SLC16A12: variants seen among roughly 807,000 people sequenced by gnomAD.
The protein encoded by SLC16A12 is monocarboxylate transporter 12.
A neutral mutation model predicts 42.4 loss-of-function variants in SLC16A12; 17 were observed. The observed-to-expected ratio is 0.40, with a 90% CI of 0.27 to 0.60. The LOEUF is 0.60. Among genes scored for constraint, SLC16A12 ranks in the 20% least tolerant of loss-of-function variants. SLC16A12 has a pLI of 0.42. For missense variants in SLC16A12, 544 were observed against 623.0 expected, an observed-to-expected ratio of 0.87 and a Z score of 1.35; for synonymous variants, 224 against 229.4, an observed-to-expected ratio of 0.98 and a Z score of 0.21.
chr10:89,508,136 T>C (rs1843097865), intron 2 of SLC16A12, among the ~76,000 whole-genome samples: 1 of 152,162 alleles, frequency 6.6e-6, no homozygotes, highest in South Asian at 2.1e-4. Context: ...TGGGAGACTT[T>C]AACACCCCAC....
At position 89,430,770 on chromosome 10, in the gene SLC16A12, C is replaced by T. The variant is rs547814534; in HGVS notation, c.*2294G>A. 9.0e-5 allele frequency: 41 copies of T among 456,880 alleles called. No individual in the cohort carries two copies. Among genetic ancestry groups the T allele is most frequent in the African/African-American group, 6.9e-4 (34 of 49,358 alleles). 28.3% of individuals were successfully genotyped at this position (456,880 alleles called of 1,614,324 possible). A position where few individuals can be genotyped will look rare whatever the true frequency, so the allele number is the denominator to read the frequency against. ...ACAAAATCTTTAAAATTTCTGATCA[C>T]TATGCTTATTTTTCATAAATACTTG... On this transcript the variant is annotated 3_prime_UTR_variant, in exon 8 of 8. Transcript: ENST00000371790.
chr10:89,526,062 G>C (rs944754674), intron 2 of SLC16A12, among the ~76,000 whole-genome samples: 11 of 152,088 alleles, frequency 7.2e-5, no homozygotes, highest in African/African-American at 2.2e-4. Context: ...CATGATGCAG[G>C]GTTTTCAAAG....
At chr10:89,453,376 A>G (rs1037795558) in intron 3 of SLC16A12, among the ~76,000 whole-genome samples, 3 of 152,232 alleles carry the variant, frequency 2.0e-5, no homozygotes, top group Non-Finnish European at 4.4e-5. Flanking sequence ...GTGAATAATG[A>G]TTTATTGGAT....
At chr10:89,550,034 C>CATATCAAT (rs573333690) in intron 2 of SLC16A12, among the ~76,000 whole-genome samples, 2 of 152,220 alleles carry the variant, frequency 1.3e-5, no homozygotes, top group East Asian at 3.9e-4. Context: ...ACTTACCTCC[C>CATATCAAT]ATATCAATCC....
At chr10:89,505,003 G>A (rs1391029061) in intron 2 of SLC16A12, among the ~76,000 whole-genome samples, 1 of 152,120 alleles carries the variant, frequency 6.6e-6, no homozygotes, top group Non-Finnish European at 1.5e-5. Flanking sequence ...AATGGGGGTT[G>A]CCATCAACCT....
At chr10:89,470,445 A>G (rs1842474338) in intron 2 of SLC16A12, among the ~76,000 whole-genome samples, 1 of 152,232 alleles carries the variant, frequency 6.6e-6, no homozygotes, top group Non-Finnish European at 1.5e-5. Flanking sequence ...ACATAACTTC[A>G]GGGGTCCCCT....
intron 2 of SLC16A12, among the ~76,000 whole-genome samples, chr10:89,467,030 A>G (rs1206958771): frequency 1.3e-5 from 2 of 152,248 alleles, no homozygotes; most frequent in Admixed American, 6.5e-5. Flanking sequence ...CCAATTGGAC[A>G]CAATTAACTG....
At chr10:89,516,409 A>G (rs1243808046) in intron 2 of SLC16A12, among the ~76,000 whole-genome samples, 1 of 152,224 alleles carries the variant, frequency 6.6e-6, no homozygotes, top group Non-Finnish European at 1.5e-5. Context: ...CATTAACTTG[A>G]AAATAGAAAC....
chr10:89,504,290 T>G (rs901981263), intron 2 of SLC16A12, among the ~76,000 whole-genome samples: 6 of 152,204 alleles, frequency 3.9e-5, no homozygotes, highest in Non-Finnish European at 7.3e-5. Context: ...GTCAATCTCA[T>G]GTAAAGAGTC....
At chr10:89,517,326 T>G (rs1396836527) in intron 2 of SLC16A12, among the ~76,000 whole-genome samples, 1 of 152,112 alleles carries the variant, frequency 6.6e-6, no homozygotes, top group African/African-American at 2.4e-5. Flanking sequence ...TTTTCTTTTT[T>G]TTTTAAGAGA....
At chr10:89,486,664 AAAAG>A (rs150119541) in intron 2 of SLC16A12, among the ~76,000 whole-genome samples, 3,273 of 93,660 alleles carry the variant, frequency 0.035, 138 homozygotes, top group East Asian at 0.075. Context: ...AGAAAGAAAG[AAAAG>A]AAAGAAAGAA....
intron 2 of SLC16A12, among the ~76,000 whole-genome samples, chr10:89,476,653 T>C (rs1259120321): frequency 6.6e-6 from 1 of 152,228 alleles, no homozygotes; most frequent in Non-Finnish European, 1.5e-5. Context: ...GCTTGAAGAA[T>C]GGTAACAAGA....
intron 2 of SLC16A12, among the ~76,000 whole-genome samples, chr10:89,486,035 C>G (rs989078719): frequency 1.3e-5 from 2 of 152,180 alleles, no homozygotes; most frequent in African/African-American, 4.8e-5. Context: ...GTACATTCAA[C>G]AAGCAGTATT....
At chr10:89,484,186 A>G (rs979355107) in intron 2 of SLC16A12, among the ~76,000 whole-genome samples, 1 of 152,248 alleles carries the variant, frequency 6.6e-6, no homozygotes, top group Admixed American at 6.5e-5. Flanking sequence ...ATGAAGATAA[A>G]TATACAAATG....
At chr10:89,554,111 G>A (rs1208505229) in intron 2 of SLC16A12, among the ~76,000 whole-genome samples, 7 of 136,568 alleles carry the variant, frequency 5.1e-5, no homozygotes, top group African/African-American at 8.2e-5. Context: ...AAGGAAGGAA[G>A]GAAGGAAGGA....
chr10:89,525,329 G>A (rs1843432203), intron 2 of SLC16A12, among the ~76,000 whole-genome samples: 1 of 150,926 alleles, frequency 6.6e-6, no homozygotes, highest in Admixed American at 6.6e-5. Context: ...AAAGAAAGCA[G>A]AATATGCCAG....
chr10:89,540,405 C>T (rs1167197154), upstream of SLC16A12, among the ~76,000 whole-genome samples: 3 of 152,028 alleles, frequency 2.0e-5, no homozygotes, highest in Admixed American at 6.6e-5. Flanking sequence ...AGCCTAGAGT[C>T]CACCTTCTTT....
intron 2 of SLC16A12, among the ~76,000 whole-genome samples, chr10:89,521,329 T>A (rs1202921539): frequency 1.3e-5 from 2 of 152,224 alleles, no homozygotes; most frequent in Non-Finnish European, 2.9e-5. Flanking sequence ...CGCATGGCAC[T>A]TATGGATCAG....
At chr10:89,436,892 G>GAA (rs1564567532) in intron 6 of SLC16A12, among the ~76,000 whole-genome samples, 1 of 147,982 alleles carries the variant, frequency 6.8e-6, no homozygotes, top group Admixed American at 6.7e-5. Context: ...AAGAAAGAAA[G>GAA]AAAGAAAGAA....
Sources: gnomAD v4.1 joint callset for allele counts (sites outside exome capture counted in the v4.1 genomes callset) on GRCh38, gnomAD v4.1.1 for gene constraint, MANE v1.5 for transcripts, NCBI Gene and HGNC (gene_info 2026-07-23, HGNC 2026-07-21) for gene names.